The following SEC31A variants were observed in gnomAD, a reference collection of about 807,000 sequenced individuals.
SEC31A encodes the protein SEC31 homolog A, COPII component.
SEC31A carries 70 observed loss-of-function variants against 151.0 expected under a neutral mutation model. That is an observed-to-expected ratio of 0.46 (90% confidence interval 0.38 to 0.57). SEC31A has a LOEUF of 0.57. Ranked by LOEUF, SEC31A falls within the 20% of genes least tolerant of loss-of-function variation. The pLI, the probability that SEC31A is intolerant of heterozygous loss-of-function variation, is 0.00. For synonymous variants in SEC31A, 475 were observed against 505.9 expected, an observed-to-expected ratio of 0.94 and a Z score of 0.82; for missense variants, 1,330 against 1,471.2, an observed-to-expected ratio of 0.90 and a Z score of 1.57.
intron 22 of SEC31A, 44 bp downstream of exon 22, chr4:82,842,096 C>G: frequency 2.0e-6 from 3 of 1,465,090 alleles, no homozygotes; most frequent in Non-Finnish European, 2.8e-6. Context: ...TGTTCATAAA[C>G]AAATAAAGGA....
At chr4:82,836,321 C>T (rs1340771887) in intron 22 of SEC31A, among the ~76,000 whole-genome samples, 4 of 142,388 alleles carry the variant, frequency 2.8e-5, no homozygotes, top group African/African-American at 8.1e-5. Flanking sequence ...TGCAGTGAGC[C>T]GAGATCGCCC....
At position 82,841,955 on chromosome 4, in the gene SEC31A, G is replaced by C. The variant is rs112158427; in HGVS notation, c.2968+185C>G. 5.3e-3 allele frequency among the ~76,000 whole-genome samples: 805 copies of C among 151,424 alleles called. 12 individuals carry two copies. The highest frequency in any genetic ancestry group is 0.019 in the African/African-American group (765 of 41,306). The stretch of plus-strand genomic sequence containing the variant: ...CCACTGTACTACAGCCTGGGTGACA[G>C]AGAGAGACTCCATCACAAAAAAAAA... On this transcript the variant is annotated intron_variant, in intron 22 of 26. Transcript: ENST00000395310.
At position 82,848,958 on chromosome 4, in the gene SEC31A, C is replaced by T. The variant is rs144888568; in HGVS notation, c.2348G>A (p.Arg783His). 98 of 1,613,010 alleles carry T rather than the reference C, an allele frequency of 6.1e-5. No individual in the cohort carries two copies. The highest frequency in any genetic ancestry group is 1.3e-4 in the Admixed American group (8 of 59,786). The change falls in exon 20 of 27, where the codon CGT (arginine) becomes CAT (histidine). Residue 783 changes from arginine (R) to histidine (H), a missense_variant. Transcript: ENST00000395310. ...NTNQPNIMQL[R>H]DRLCRAQGEP... ...TCCTTGTGCTCTACAAAGTCTGTCA[C>T]GAAGCTGCATGATATTTGGCTAAAA...
chr4:82,894,524 CTGT>C (rs1205101811), upstream of SEC31A: 2 of 152,200 alleles, frequency 1.3e-5, no homozygotes, highest in Non-Finnish European at 2.9e-5. Context: ...GTTGTTTCTG[CTGT>C]TAATTGTTGG....
chr4:82,858,660 G>A (rs1205027273), intron 14 of SEC31A, among the ~76,000 whole-genome samples: 1 of 149,954 alleles, frequency 6.7e-6, no homozygotes, highest in Non-Finnish European at 1.5e-5. Context: ...AGGTAACTAT[G>A]AGTGGCTCAA....
upstream of SEC31A, chr4:82,891,319 G>A (rs1250147665): frequency 8.4e-6 from 7 of 828,512 alleles, no homozygotes; most frequent in Admixed American, 2.5e-5. Context: ...GGTAGCCTGG[G>A]AGGCGGGGTA....
chr4:82,874,001 T>G (rs17006344), intron 6 of SEC31A, among the ~76,000 whole-genome samples: 42,820 of 151,932 alleles, frequency 0.28, 7,208 homozygotes, highest in East Asian at 0.49. Context: ...AAAGATGAAT[T>G]AAAAAGTTGC....
intron 24 of SEC31A, 49 bp from the exon 25 acceptor site, chr4:82,824,723 T>C: frequency 6.3e-7 from 1 of 1,589,848 alleles, no homozygotes; most frequent in Non-Finnish European, 8.5e-7. Flanking sequence ...GAAGCTACCT[T>C]ATATACACAA....
At chr4:82,826,100 T>C (rs1724481602) in intron 24 of SEC31A, among the ~76,000 whole-genome samples, 1 of 152,210 alleles carries the variant, frequency 6.6e-6, no homozygotes, top group African/African-American at 2.4e-5. Flanking sequence ...CTGAACACTA[T>C]GTATCTTTCT....
chr4:82,858,853 C>A (rs973022657), intron 14 of SEC31A, among the ~76,000 whole-genome samples: 1 of 151,714 alleles, frequency 6.6e-6, no homozygotes, highest in Non-Finnish European at 1.5e-5. Context: ...CAGGTGCCCA[C>A]CACCATGCCT....
intron 25 of SEC31A, among the ~76,000 whole-genome samples, chr4:82,822,987 A>G (rs745437141): frequency 1.3e-5 from 2 of 152,104 alleles, no homozygotes; most frequent in African/African-American, 2.4e-5. Context: ...AAAAAAGAAA[A>G]ACAAAGTTAA....
chr4:82,866,993 C>T lies in SEC31A; in HGVS notation c.1045-33G>A, dbSNP rs758606113. On this transcript the variant is annotated intron_variant, in intron 9 of 26. Transcript: ENST00000395310. ...AGATAATAATAACATAAGCATCCGA[C>T]CATACACAAAGTTTCATTTTTTTCC... The T allele has an allele frequency of 6.3e-6, 10 of 1,592,334 alleles. No individual in the cohort carries two copies. The South Asian group carries it at 8.1e-5, about 13-fold the overall frequency.
At chr4:82,833,148 AC>A (rs1400501811) in intron 22 of SEC31A, among the ~76,000 whole-genome samples, 4 of 152,218 alleles carry the variant, frequency 2.6e-5, no homozygotes, top group African/African-American at 9.6e-5. Flanking sequence ...AAGACTTGGA[AC>A]CAACCCAAAT....
At chr4:82,835,309 C>T (rs1489140991) in intron 22 of SEC31A, among the ~76,000 whole-genome samples, 1 of 152,030 alleles carries the variant, frequency 6.6e-6, no homozygotes, top group African/African-American at 2.4e-5. Flanking sequence ...TCTTGGTCAA[C>T]GCTTAAAAAA....
intron 26 of SEC31A, among the ~76,000 whole-genome samples, chr4:82,820,569 C>T (rs138302206): frequency 1.3e-4 from 20 of 152,298 alleles, no homozygotes; most frequent in African/African-American, 4.6e-4. Flanking sequence ...TTCATAGTTA[C>T]AGCACATTAC....
chr4:82,894,530 A>G (rs1719979597), upstream of SEC31A: 1 of 152,106 alleles, frequency 6.6e-6, no homozygotes, highest in Non-Finnish European at 1.5e-5. Context: ...TCTGCTGTTA[A>G]TTGTTGGTTT....
intron 1 of SEC31A, among the ~76,000 whole-genome samples, chr4:82,883,136 T>C (rs1739778878): frequency 6.6e-6 from 1 of 152,158 alleles, no homozygotes; most frequent in Non-Finnish European, 1.5e-5. Flanking sequence ...AAAGTTACTT[T>C]GATGGAAAAA....
intron 1 of SEC31A, among the ~76,000 whole-genome samples, chr4:82,886,327 T>C (rs1449566543): frequency 6.6e-6 from 1 of 152,214 alleles, no homozygotes; most frequent in Non-Finnish European, 1.5e-5. Context: ...TTAGCTATGA[T>C]ACTTTGGACA....
At chr4:82,882,401 CAAAAAA>C (rs57974382) in intron 1 of SEC31A, among the ~76,000 whole-genome samples, 7 of 92,484 alleles carry the variant, frequency 7.6e-5, no homozygotes, top group African/African-American at 3.6e-4. Flanking sequence ...GACTCTATCT[CAAAAAA>C]AAAAAAAAAA....
Sources: gnomAD v4.1 joint callset for allele counts (sites outside exome capture counted in the v4.1 genomes callset) on GRCh38, gnomAD v4.1.1 for gene constraint, MANE v1.5 for transcripts, NCBI Gene and HGNC (gene_info 2026-07-23, HGNC 2026-07-21) for gene names.